The following CUL4B variants were observed in gnomAD, a reference collection of about 807,000 sequenced individuals.
CUL4B encodes cullin-4B.
A neutral mutation model predicts 69.2 loss-of-function variants in CUL4B; 1 was observed. That is an observed-to-expected ratio of 0.01 (90% CI 0.01 to 0.07). The LOEUF is 0.07. CUL4B is among the 10% of genes least tolerant of loss of function. The pLI, the probability that CUL4B is intolerant of heterozygous loss-of-function variation, is 1.00. For missense variants in CUL4B, 328 were observed against 638.8 expected (o/e 0.51, Z 5.24); for synonymous variants, 237 against 223.2 (o/e 1.06, Z -0.55).
chrX:120,528,530 G>T (rs1328018341), intron 19 of CUL4B, among the ~76,000 whole-genome samples: 1 of 110,635 alleles, frequency 9.0e-6, no homozygotes, highest in Non-Finnish European at 1.9e-5. Flanking sequence ...AGACCAGCCT[G>T]ACCAATATGG....
At chrX:120,538,368 A>T in intron 13 of CUL4B, 159 bp from the exon 14 acceptor site, 2 of 430,408 alleles carry the variant, frequency 4.6e-6, no homozygotes, top group South Asian at 8.2e-5. Context: ...ATGCCCCATT[A>T]ATTCAGAGTC....
chrX:120,573,128 A>T (rs1925763853), intron 2 of CUL4B, among the ~76,000 whole-genome samples: 1 of 111,985 alleles, frequency 8.9e-6, no homozygotes, highest in Non-Finnish European at 1.9e-5. Context: ...AATTTGGTGC[A>T]TCACCTTCCT....
downstream of CUL4B, among the ~76,000 whole-genome samples, chrX:120,570,545 A>G (rs143725877): frequency 6.2e-5 from 7 of 112,531 alleles, no homozygotes; most frequent in East Asian, 1.9e-3. Context: ...AAAAATTGCC[A>G]GTCCTTGCAT....
upstream of CUL4B, among the ~76,000 whole-genome samples, chrX:120,566,378 T>TATATATGTATATATAC (rs1556253346): frequency 1.1e-3 from 87 of 81,742 alleles, no homozygotes; most frequent in Non-Finnish European, 1.3e-3. Flanking sequence ...TATATATATA[T>TATATATGTATATATAC]ATATATATAT....
At chrX:120,566,371 A>ATATATATATATATATGTG (rs1569398202), upstream of CUL4B, among the ~76,000 whole-genome samples, 2 of 60,028 alleles carry the variant, frequency 3.3e-5, no homozygotes, top group African/African-American at 1.1e-4. Context: ...ATATATATAT[A>ATATATATATATATATGTG]TATATATATA....
At chrX:120,543,299 C>T (rs1724629096) in intron 8 of CUL4B, among the ~76,000 whole-genome samples, 1 of 111,315 alleles carries the variant, frequency 9.0e-6, no homozygotes, top group African/African-American at 3.3e-5. Flanking sequence ...ATCTCCAAGA[C>T]CTTGCTGTAG....
At chrX:120,537,080 A>G (rs745717317) in intron 14 of CUL4B, 46 bp from the exon 15 acceptor site, 2 of 873,038 alleles carry the variant, frequency 2.3e-6, no homozygotes, top group Non-Finnish European at 3.4e-6. Context: ...AACTGCATAC[A>G]TTTCATATCA....
intron 14 of CUL4B, among the ~76,000 whole-genome samples, chrX:120,537,726 G>A (rs1923753189): frequency 9.0e-6 from 1 of 111,319 alleles, no homozygotes; most frequent in South Asian, 3.7e-4. Context: ...CTTCAAAACT[G>A]TGGATCTAGC....
At chrX:120,566,127 G>A (rs186407582), upstream of CUL4B, among the ~76,000 whole-genome samples, 177 of 106,896 alleles carry the variant, frequency 1.7e-3, no homozygotes, top group African/African-American at 5.6e-3. Context: ...AGTAAAGATT[G>A]TATCATAATA....
upstream of CUL4B, among the ~76,000 whole-genome samples, chrX:120,563,596 G>C (rs879132536): frequency 8.9e-6 from 1 of 111,880 alleles, no homozygotes; most frequent in African/African-American, 3.3e-5. Flanking sequence ...TTCCTTTATC[G>C]TGTCTCACAG....
downstream of CUL4B, among the ~76,000 whole-genome samples, chrX:120,567,716 C>T (rs1240431617): frequency 1.1e-5 from 1 of 95,074 alleles, no homozygotes; most frequent in Non-Finnish European, 2.1e-5. Context: ...CTGTCTCTAT[C>T]GAAAAAAAAA....
chrX:120,567,025 G>A (rs1925570835), downstream of CUL4B, among the ~76,000 whole-genome samples: 1 of 110,362 alleles, frequency 9.1e-6, no homozygotes, highest in Admixed American at 9.7e-5. Flanking sequence ...TTACTTTATC[G>A]ATGTCTCTCA....
At chrX:120,565,682 A>C (rs1448702837), upstream of CUL4B, among the ~76,000 whole-genome samples, 2 of 97,628 alleles carry the variant, frequency 2.0e-5, no homozygotes, top group Non-Finnish European at 4.2e-5. Context: ...AAAAAAAAAA[A>C]AAAAAAAAAA....
At chrX:120,562,120 C>CT (rs759953816), upstream of CUL4B, among the ~76,000 whole-genome samples, 3 of 111,736 alleles carry the variant, frequency 2.7e-5, no homozygotes, top group East Asian at 8.4e-4. Context: ...AACCCCCACT[C>CT]TATCAGTCCT....
intron 19 of CUL4B, among the ~76,000 whole-genome samples, chrX:120,528,762 C>T (rs1923147629): frequency 9.0e-6 from 1 of 111,510 alleles, no homozygotes; most frequent in Non-Finnish European, 1.9e-5. Flanking sequence ...TGAAGTACCT[C>T]ATAATTTAGA....
At position 120,526,696 on chromosome X, in the gene CUL4B, G is replaced by T; in HGVS notation, c.*65C>A. 2 of 699,537 alleles carry T rather than the reference G, an allele frequency of 2.9e-6. No individual in the cohort carries two copies. The highest frequency in any genetic ancestry group is 4.5e-6 in the Non-Finnish European group (2 of 441,719). The allele number at this position is 699,537 out of a possible 1,213,427, so 57.6% of individuals were successfully genotyped here. A position where few individuals can be genotyped will look rare whatever the true frequency, so the allele number is the denominator to read the frequency against. ...AGTAAAAAAGGAGTCAAATAATATT[G>T]AATCAACAGGTTAGTTTATCCACTG... is the stretch of plus-strand genomic sequence containing the variant. On this transcript the variant is annotated 3_prime_UTR_variant, in exon 20 of 20. Coordinates refer to ENST00000371322, the MANE Select transcript of CUL4B (RefSeq NM_001079872.2).
rs1039073609 is a variant in CUL4B at position 120,543,785 on chromosome X, T to C, written c.1198A>G (p.Asn400Asp). 1 of 1,193,296 alleles carries C rather than the reference T, an allele frequency of 8.4e-7. No individual in the cohort carries two copies. Among genetic ancestry groups the C allele is most frequent in the Non-Finnish European group, 1.1e-6 (1 of 880,261 alleles). The change falls in exon 8 of 20, where the codon AAC (asparagine) becomes GAC (aspartate). Residue 400 changes from asparagine (N) to aspartate (D), a missense_variant. Asn to Asp is a conservative substitution (Grantham distance 23). Transcript: ENST00000371322. The stretch of plus-strand genomic sequence containing the variant: ...TCTGCTTCTTCTTCTAGACGTTTGT[T>C]AACATGATGTAGATATTCAGGAACC... Reference protein sequence around the residue: ...REVPEYLHHVNKRLEEEADRL... With the variant: ...REVPEYLHHVDKRLEEEADRL...
At chrX:120,540,314 A>AT (rs1178847252) in intron 11 of CUL4B, 56 bp downstream of exon 11, 1 of 1,101,720 alleles carries the variant, frequency 9.1e-7, no homozygotes, top group Non-Finnish European at 1.3e-6. Flanking sequence ...TCAGATTGAG[A>AT]TTTTATGACT....
intron 19 of CUL4B, among the ~76,000 whole-genome samples, chrX:120,529,539 C>T (rs1253359860): frequency 9.0e-6 from 1 of 111,725 alleles, no homozygotes. Context: ...AAGGCCAGTA[C>T]AACATCACAT....
Sources: allele counts gnomAD v4.1 joint callset (sites outside exome capture counted in the v4.1 genomes callset), GRCh38; gene constraint gnomAD v4.1.1; transcripts MANE v1.5; gene names NCBI Gene and HGNC (gene_info 2026-07-23, HGNC 2026-07-21).